EML5: variants seen among roughly 807,000 people sequenced by gnomAD.
EML5 encodes the protein echinoderm microtubule-associated protein-like 5.
Under a neutral mutation model 250.0 loss-of-function variants are expected in EML5, and 120 were observed. The observed-to-expected ratio is 0.48, with a 90% CI of 0.41 to 0.56. The LOEUF is 0.56. Ranked by LOEUF, EML5 falls within the 20% of genes least tolerant of loss-of-function variation. The pLI is 0.00. For synonymous variants in EML5, 771 were observed against 806.5 expected (o/e 0.96, Z 0.75); for missense variants, 2,006 against 2,437.6 (o/e 0.82, Z 3.73).
intron 17 of EML5, among the ~76,000 whole-genome samples, chr14:88,692,016 G>A (rs1437427007): frequency 3.3e-5 from 5 of 152,014 alleles, no homozygotes; most frequent in Non-Finnish European, 5.9e-5. Context: ...GAGTAAAATC[G>A]GCCTTCCATG....
At chr14:88,736,950 G>C (rs2093849845) in intron 6 of EML5, among the ~76,000 whole-genome samples, 1 of 152,052 alleles carries the variant, frequency 6.6e-6, no homozygotes, top group East Asian at 1.9e-4. Flanking sequence ...AGCCATATTT[G>C]GGGACTGCCC....
intron 7 of EML5, among the ~76,000 whole-genome samples, chr14:88,735,861 A>G (rs764099336): frequency 2.6e-4 from 39 of 152,314 alleles, no homozygotes; most frequent in Non-Finnish European, 4.7e-4. Flanking sequence ...GTAGTTTTGT[A>G]CATTCTGATA....
intron 4 of EML5, among the ~76,000 whole-genome samples, chr14:88,743,394 TTG>T (rs960096826): frequency 2.2e-4 from 33 of 151,992 alleles, no homozygotes; most frequent in Non-Finnish European, 2.7e-4. Context: ...CTATCATTAT[TTG>T]TCAAAAAAAA....
At chr14:88,645,498 A>G (rs930647652) in intron 29 of EML5, among the ~76,000 whole-genome samples, 1 of 152,226 alleles carries the variant, frequency 6.6e-6, no homozygotes, top group African/African-American at 2.4e-5. Context: ...GTATCTTCAC[A>G]TGGCAGGTAT....
At chr14:88,629,885 G>A (rs1227513175) in intron 33 of EML5, among the ~76,000 whole-genome samples, 2 of 151,834 alleles carry the variant, frequency 1.3e-5, no homozygotes, top group Non-Finnish European at 2.9e-5. Flanking sequence ...TTTCACTACC[G>A]TTTTTCACTC....
At chr14:88,616,311 C>CTA (rs2087604672) in intron 42 of EML5, 69 bp from the exon 43 acceptor site, 1 of 1,403,188 alleles carries the variant, frequency 7.1e-7, no homozygotes, top group African/African-American at 1.4e-5. Flanking sequence ...TTATTAGGAA[C>CTA]TATAATCTCT....
chr14:88,743,879 G>T, intron 4 of EML5, 144 bp downstream of exon 4: 1 of 451,138 alleles, frequency 2.2e-6, no homozygotes, highest in Non-Finnish European at 3.9e-6. Flanking sequence ...TTGTTTGACT[G>T]AACATAAGAA....
At position 88,680,053 on chromosome 14, in the gene EML5, T is replaced by C. The variant is rs561293113; in HGVS notation, c.3124+1837A>G. On this transcript the variant is annotated intron_variant, in intron 21 of 43. Transcript: ENST00000554922. ...GTGTTTTATGCTGAAACTTTCTTCA[T>C]TTTATGAAGTATTTACTTTTAATAA... Among the ~76,000 whole-genome samples the C allele has an allele frequency of 1.8e-4, 27 of 152,328 alleles. No individual in the cohort carries two copies. In the South Asian group the frequency reaches 5.4e-3, roughly 30 times the overall value.
intron 28 of EML5, among the ~76,000 whole-genome samples, chr14:88,648,636 C>T (rs1017991227): frequency 6.6e-6 from 1 of 152,074 alleles, no homozygotes; most frequent in East Asian, 1.9e-4. Context: ...GGATTACAGG[C>T]ATAAACCACT....
At chr14:88,766,141 G>A (rs573082693) in intron 1 of EML5, among the ~76,000 whole-genome samples, 49 of 152,046 alleles carry the variant, frequency 3.2e-4, no homozygotes, top group African/African-American at 1.0e-3. Flanking sequence ...GATGTATGTC[G>A]CCTCAGGACC....
intron 13 of EML5, among the ~76,000 whole-genome samples, chr14:88,702,945 G>A (rs1404957415): frequency 6.6e-6 from 1 of 151,924 alleles, no homozygotes; most frequent in African/African-American, 2.4e-5. Context: ...CATAGAGATG[G>A]GGTTTTGCCA....
chr14:88,735,311 C>T (rs2093822718), intron 7 of EML5, among the ~76,000 whole-genome samples: 1 of 152,056 alleles, frequency 6.6e-6, no homozygotes, highest in African/African-American at 2.4e-5. Context: ...CTATCACAGA[C>T]AAGGTTTCTA....
Position 88,646,971 on chromosome 14 carries a change from TAA to T in EML5, c.4020-18_4020-17del, listed in dbSNP as rs926877397. 6.3e-7 allele frequency: 1 copy of T among 1,591,190 alleles called. No individual in the cohort carries two copies. Among genetic ancestry groups the T allele is most frequent in the Non-Finnish European group, 8.5e-7 (1 of 1,177,154 alleles). On this transcript the variant is annotated splice_polypyrimidine_tract_variant and intron_variant, in intron 28 of 43. Coordinates refer to ENST00000554922, the MANE Select transcript of EML5 (RefSeq NM_183387.3). ...CCTGGAACCTCTTTTCAGCAGCAGA[TAA>T]AGAGGGAAAAAGATTACAACATAAA...
intron 21 of EML5, among the ~76,000 whole-genome samples, chr14:88,677,867 C>T (rs905608171): frequency 2.6e-5 from 4 of 152,150 alleles, no homozygotes; most frequent in African/African-American, 7.2e-5. Flanking sequence ...ATTAGCTCAA[C>T]CATTGTGGAA....
Position 88,695,474 on chromosome 14 carries a change from G to C in EML5, c.2345-20C>G, listed in dbSNP as rs1391590896. 1.5e-5 allele frequency: 24 copies of C among 1,588,302 alleles called. No homozygotes were observed. The highest frequency in any genetic ancestry group is 2.1e-5 in the Non-Finnish European group (24 of 1,161,392). On this transcript the variant is annotated intron_variant, in intron 15 of 43. Transcript: ENST00000554922. ...CATCCGCTGTGGAAAATTAATGAGA[G>C]AGATAAACTGACTATTAACATTCAG... is the stretch of plus-strand genomic sequence containing the variant.
At chr14:88,767,947 G>T (rs748957304) in intron 1 of EML5, among the ~76,000 whole-genome samples, 3 of 152,044 alleles carry the variant, frequency 2.0e-5, no homozygotes, top group African/African-American at 7.2e-5. Context: ...AGGATCCCAT[G>T]CTGCATTTTA....
At chr14:88,700,529 C>T (rs751040989) in intron 14 of EML5, among the ~76,000 whole-genome samples, 4 of 152,074 alleles carry the variant, frequency 2.6e-5, no homozygotes, top group Non-Finnish European at 5.9e-5. Context: ...ATTCTTCCAA[C>T]GACTTAACTT....
Position 88,738,805 on chromosome 14 carries a change from C to T in EML5, c.847+74G>A. 3 of 1,453,844 alleles carry T rather than the reference C, an allele frequency of 2.1e-6. 1 individual carries two copies. In the South Asian group the frequency reaches 4.0e-5, roughly 19 times the overall value. 90.1% of individuals were successfully genotyped at this position (1,453,844 alleles called of 1,614,324 possible). On this transcript the variant is annotated intron_variant, in intron 6 of 43. Transcript: ENST00000554922. ...TATATTTACAAAACTTACATTTATA[C>T]TCACTGAAAGAAAGAGATAATCTTT... is the stretch of plus-strand genomic sequence containing the variant.
chr14:88,712,871 T>C (rs1030021440), intron 9 of EML5, among the ~76,000 whole-genome samples: 6 of 152,002 alleles, frequency 3.9e-5, no homozygotes, highest in Non-Finnish European at 7.4e-5. Context: ...CTAAGATACA[T>C]AGTTGAGGAA....
Sources: gnomAD v4.1 joint callset for allele counts (sites outside exome capture counted in the v4.1 genomes callset) on GRCh38, gnomAD v4.1.1 for gene constraint, MANE v1.5 for transcripts, NCBI Gene and HGNC (gene_info 2026-07-23, HGNC 2026-07-21) for gene names.